ZFPM2: variants seen among roughly 807,000 people sequenced by gnomAD.
ZFPM2 encodes the protein zinc finger protein, FOG family member 2, also known as zinc finger protein ZFPM2.
Under a neutral mutation model 98.6 loss-of-function variants are expected in ZFPM2, and 20 were observed. The observed-to-expected ratio is 0.20, with a 90% CI of 0.14 to 0.29. The LOEUF (loss-of-function observed/expected upper bound fraction) is 0.29, where lower values mean the gene tolerates loss of function less well. Ranked by LOEUF, ZFPM2 falls within the 10% of genes least tolerant of loss-of-function variation. ZFPM2 has a pLI of 1.00. For synonymous variants in ZFPM2, 518 were observed against 502.7 expected, an observed-to-expected ratio of 1.03 and a Z score of -0.41; for missense variants, 1,310 against 1,388.6, an observed-to-expected ratio of 0.94 and a Z score of 0.90.
Position 105,596,739 on chromosome 8 carries a change from CT to C in ZFPM2, c.420+35282del, listed in dbSNP as rs910632602. Reference sequence around the variant, plus strand: ...CTCTGGGTAAGGCTGCCTTTGTCTGCTTTTTTTTTTTTTTTTTTTTTTTTAA... The same window carrying C: ...CTCTGGGTAAGGCTGCCTTTGTCTGCTTTTTTTTTTTTTTTTTTTTTTTAA... On this transcript the variant is annotated intron_variant, in intron 4 of 7. Coordinates refer to ENST00000407775, the MANE Select transcript of ZFPM2 (RefSeq NM_012082.4). Among the ~76,000 whole-genome samples, 444 of 58,958 alleles carry C rather than the reference CT, an allele frequency of 7.5e-3. 2 individuals are homozygous for C. The highest frequency in any genetic ancestry group is 0.025 in the Middle Eastern group (1 of 40). The allele number at this position is 58,958 out of a possible 152,430, so 38.7% of individuals were successfully genotyped here.
chr8:105,643,219 A>G, intron 5 of ZFPM2, among the ~76,000 whole-genome samples: 1 of 152,256 alleles, frequency 6.6e-6, no homozygotes, highest in East Asian at 1.9e-4. Context: ...CCTCTAGAAA[A>G]CATTAGTAGT....
At chr8:105,351,121 T>G (rs555168114) in intron 1 of ZFPM2, among the ~76,000 whole-genome samples, 1 of 146,240 alleles carries the variant, frequency 6.8e-6, no homozygotes, top group South Asian at 2.2e-4. Context: ...AGACAGAGGT[T>G]GCAGTGAGCC....
chr8:105,740,315 A>G (rs1422795866), intron 5 of ZFPM2, among the ~76,000 whole-genome samples: 1 of 151,926 alleles, frequency 6.6e-6, no homozygotes, highest in Non-Finnish European at 1.5e-5. Flanking sequence ...AATATGAGAG[A>G]TATTTGTTAA....
intron 2 of ZFPM2, 78 bp from the exon 3 acceptor site, chr8:105,444,202 C>G (rs1432979560): frequency 8.4e-6 from 9 of 1,076,270 alleles, no homozygotes; most frequent in Non-Finnish European, 1.3e-5. Context: ...ATGATAAGGA[C>G]ATCCCTTTAT....
chr8:105,486,440 TC>T (rs1670226161), intron 3 of ZFPM2, among the ~76,000 whole-genome samples: 1 of 152,072 alleles, frequency 6.6e-6, no homozygotes, highest in African/African-American at 2.4e-5. Context: ...CATTTTTTTT[TC>T]CTTCTAAAAC....
intron 4 of ZFPM2, among the ~76,000 whole-genome samples, chr8:105,562,883 C>T (rs183519067): frequency 3.9e-5 from 6 of 152,306 alleles, no homozygotes; most frequent in Non-Finnish European, 5.9e-5. Flanking sequence ...AGGATGTAAA[C>T]ATCTTTGCAA....
intron 4 of ZFPM2, among the ~76,000 whole-genome samples, chr8:105,574,472 A>G (rs996594784): frequency 2.0e-5 from 3 of 152,080 alleles, no homozygotes; most frequent in African/African-American, 7.2e-5. Flanking sequence ...AAAGTAATTT[A>G]CCCTGTCTGA....
chr8:105,378,064 T>C (rs1810766312), intron 1 of ZFPM2, among the ~76,000 whole-genome samples: 1 of 152,158 alleles, frequency 6.6e-6, no homozygotes, highest in Non-Finnish European at 1.5e-5. Flanking sequence ...ATATTATATG[T>C]CACTATGATT....
intron 4 of ZFPM2, among the ~76,000 whole-genome samples, chr8:105,563,869 A>G (rs190360339): frequency 7.9e-4 from 121 of 152,278 alleles, no homozygotes; most frequent in African/African-American, 2.7e-3. Flanking sequence ...CTGACACTGT[A>G]TCAGCTATAG....
At chr8:105,484,046 T>A (rs1813178916) in intron 3 of ZFPM2, among the ~76,000 whole-genome samples, 1 of 152,080 alleles carries the variant, frequency 6.6e-6, no homozygotes, top group Non-Finnish European at 1.5e-5. Flanking sequence ...TTTGATTACT[T>A]TTAAATCTTC....
At position 105,801,771 on chromosome 8, in the gene ZFPM2, T is replaced by C; in HGVS notation, c.1689T>C (p.Tyr563=). The change falls in exon 8 of 8, where the codon TAT becomes TAC. Residue 563 remains tyrosine (Y), a synonymous_variant. Coordinates refer to ENST00000407775, the MANE Select transcript of ZFPM2 (RefSeq NM_012082.4). ...TAACATTCAATAATTTGGATAATTA[T>C]CTAGTGCACAAAAAGCATTATTGCA... ...CNITFNNLDN[Y]LVHKKHYCSS... The C allele has an allele frequency of 6.2e-7, 1 of 1,613,950 alleles. No individual in the cohort carries two copies. The highest frequency in any genetic ancestry group is 1.1e-5 in the South Asian group (1 of 91,084).
intron 3 of ZFPM2, among the ~76,000 whole-genome samples, chr8:105,517,709 A>ACACACACACACACACAC (rs1813963178): frequency 4.7e-5 from 2 of 42,878 alleles, no homozygotes; most frequent in Non-Finnish European, 8.1e-5. Flanking sequence ...CACACACACC[A>ACACACACACACACACAC]CACACACACA....
intron 3 of ZFPM2, among the ~76,000 whole-genome samples, chr8:105,483,201 A>G (rs1813159169): frequency 6.6e-6 from 1 of 152,038 alleles, no homozygotes; most frequent in African/African-American, 2.4e-5. Context: ...TACCTCTGCA[A>G]TGTTCTCTTA....
chr8:105,598,002 TA>T, intron 4 of ZFPM2, among the ~76,000 whole-genome samples: 1 of 149,796 alleles, frequency 6.7e-6, no homozygotes, highest in East Asian at 2.0e-4. Context: ...TTCTGCTGCA[TA>T]AAACTTACTT....
intron 4 of ZFPM2, among the ~76,000 whole-genome samples, chr8:105,598,803 A>C (rs1237921838): frequency 6.6e-6 from 1 of 152,130 alleles, no homozygotes; most frequent in African/African-American, 2.4e-5. Flanking sequence ...AAAACCCTAG[A>C]GCCTTCTTAC....
At chr8:105,329,756 G>A (rs1196353784) in intron 1 of ZFPM2, among the ~76,000 whole-genome samples, 1 of 151,722 alleles carries the variant, frequency 6.6e-6, no homozygotes, top group East Asian at 1.9e-4. Context: ...ACACAGACAT[G>A]TCAGAGTTTG....
At chr8:105,374,076 C>G (rs190176365) in intron 1 of ZFPM2, among the ~76,000 whole-genome samples, 1 of 152,146 alleles carries the variant, frequency 6.6e-6, no homozygotes, top group Non-Finnish European at 1.5e-5. Context: ...GATGTCAATT[C>G]TCTTTCCCTT....
intron 3 of ZFPM2, among the ~76,000 whole-genome samples, chr8:105,545,306 A>G (rs1814671049): frequency 6.6e-6 from 1 of 152,108 alleles, no homozygotes; most frequent in Non-Finnish European, 1.5e-5. Context: ...TATACATTTA[A>G]TCATTGTTAT....
chr8:105,711,274 A>G (rs1811390090), intron 5 of ZFPM2, among the ~76,000 whole-genome samples: 1 of 152,046 alleles, frequency 6.6e-6, no homozygotes. Context: ...CCTTTTCACA[A>G]CTAACAGCTA....
Sources: allele counts gnomAD v4.1 joint callset (sites outside exome capture counted in the v4.1 genomes callset), GRCh38; gene constraint gnomAD v4.1.1; transcripts MANE v1.5; gene names NCBI Gene and HGNC (gene_info 2026-07-23, HGNC 2026-07-21).